ARHGAP21: variants seen among roughly 807,000 people sequenced by gnomAD.
ARHGAP21 encodes the protein rho GTPase-activating protein 21.
ARHGAP21 carries 38 observed loss-of-function variants against 164.6 expected under a neutral mutation model. That is an observed-to-expected ratio of 0.23 (90% CI 0.18 to 0.30). The LOEUF (loss-of-function observed/expected upper bound fraction) is 0.30, where lower values mean the gene tolerates loss of function less well. ARHGAP21 is among the 10% of genes least tolerant of loss of function. The probability of loss-of-function intolerance (pLI) is 1.00; values close to 1 mark genes in which losing one functional copy is unlikely to be tolerated. For synonymous variants in ARHGAP21, 766 were observed against 857.9 expected (o/e 0.89, Z 1.87); for missense variants, 1,822 against 2,370.7 (o/e 0.77, Z 4.81).
Position 24,621,015 on chromosome 10 carries a change from G to C in ARHGAP21, c.880C>G (p.Pro294Ala), listed in dbSNP as rs772325810. ...CTCACTTCTTCAGTTCTATGTGAAG[G>C]ACCTGTATGGTTGTTTCTATTGGAT... ...LLSNRNNHTGPSHRTEEVRYG... is the reference protein window; with the variant it reads ...LLSNRNNHTGASHRTEEVRYG... The change falls in exon 9 of 26, where the codon CCT becomes GCT. Residue 294 changes from proline to alanine, a missense_variant. Around this residue, in one of 5 missense-constraint regions of ARHGAP21, gnomAD observed 1,090 missense variants for 1,378.9 expected, o/e 0.79. Transcript: ENST00000396432. 1 of 1,614,014 alleles carries C rather than the reference G, an allele frequency of 6.2e-7. No homozygotes were observed. The highest frequency in any genetic ancestry group is 8.5e-7 in the Non-Finnish European group (1 of 1,179,872).
intron 2 of ARHGAP21, among the ~76,000 whole-genome samples, chr10:24,718,580 G>T (rs1415750672): frequency 6.6e-6 from 1 of 152,140 alleles, no homozygotes; most frequent in African/African-American, 2.4e-5. Flanking sequence ...GCCTGAGAAG[G>T]AACTAGGGAG....
intron 2 of ARHGAP21, among the ~76,000 whole-genome samples, chr10:24,719,354 A>G (rs1324335678): frequency 2.6e-5 from 4 of 152,210 alleles, no homozygotes; most frequent in Non-Finnish European, 5.9e-5. Flanking sequence ...GCCTAAATGT[A>G]TATCATATAT....
chr10:24,596,676 G>C, intron 17 of ARHGAP21, 64 bp downstream of exon 17: 6 of 1,606,320 alleles, frequency 3.7e-6, no homozygotes, highest in Non-Finnish European at 5.1e-6. Context: ...TATATACTCA[G>C]ATCCCATTAT....
intron 4 of ARHGAP21, among the ~76,000 whole-genome samples, chr10:24,646,257 G>A (rs565621076): frequency 4.6e-5 from 7 of 152,178 alleles, no homozygotes; most frequent in African/African-American, 1.7e-4. Context: ...ACTAGCTGGA[G>A]AGCAATCAGG....
chr10:24,594,597 TG>T (rs2076496615), intron 21 of ARHGAP21, among the ~76,000 whole-genome samples: 1 of 140,466 alleles, frequency 7.1e-6, no homozygotes, highest in African/African-American at 2.6e-5. Flanking sequence ...ATGACTTATC[TG>T]TTTATGTCTG....
At chr10:24,701,107 A>T (rs1843630807) in intron 2 of ARHGAP21, among the ~76,000 whole-genome samples, 1 of 152,164 alleles carries the variant, frequency 6.6e-6, no homozygotes, top group East Asian at 1.9e-4. Flanking sequence ...GAGAACTAGG[A>T]CACAATTTAA....
At chr10:24,714,824 G>A (rs1171459464) in intron 2 of ARHGAP21, among the ~76,000 whole-genome samples, 7 of 152,014 alleles carry the variant, frequency 4.6e-5, no homozygotes, top group African/African-American at 1.7e-4. Flanking sequence ...CACAAGGTCA[G>A]GAGATCGAGA....
intron 23 of ARHGAP21, 146 bp from the exon 24 acceptor site, chr10:24,591,476 A>G (rs1430610978): frequency 9.0e-7 from 1 of 1,112,426 alleles, no homozygotes; most frequent in East Asian, 2.4e-5. Context: ...TAACTGCAAA[A>G]TAAGCACCGT....
intron 22 of ARHGAP21, 89 bp downstream of exon 22, chr10:24,591,798 C>A (rs754949523): frequency 2.9e-5 from 46 of 1,596,408 alleles, no homozygotes; most frequent in Non-Finnish European, 2.6e-5. Flanking sequence ...TACAACCAAC[C>A]TCTGTCTGAC....
At chr10:24,649,252 A>G (rs1001604368) in intron 4 of ARHGAP21, among the ~76,000 whole-genome samples, 2 of 152,240 alleles carry the variant, frequency 1.3e-5, no homozygotes, top group African/African-American at 4.8e-5. Flanking sequence ...TAGTGTATAT[A>G]CATGTAAAAC....
At chr10:24,689,325 TA>T (rs1166957134) in intron 2 of ARHGAP21, among the ~76,000 whole-genome samples, 1 of 152,198 alleles carries the variant, frequency 6.6e-6, no homozygotes, top group East Asian at 1.9e-4. Flanking sequence ...TCACTTAGGA[TA>T]CACCAGAAAA....
intron 4 of ARHGAP21, among the ~76,000 whole-genome samples, chr10:24,665,007 C>CA (rs1219846058): frequency 1.3e-5 from 2 of 152,108 alleles, no homozygotes; most frequent in Non-Finnish European, 2.9e-5. Flanking sequence ...TATTCCCCCC[C>CA]ATAAGAAGCA....
At chr10:24,702,933 A>G (rs1843837123) in intron 2 of ARHGAP21, among the ~76,000 whole-genome samples, 1 of 152,212 alleles carries the variant, frequency 6.6e-6, no homozygotes, top group South Asian at 2.1e-4. Context: ...AGAGCAGAAC[A>G]CTGGAAGCAA....
At chr10:24,587,298 G>C (rs1001050336) in intron 25 of ARHGAP21, among the ~76,000 whole-genome samples, 1 of 152,004 alleles carries the variant, frequency 6.6e-6, no homozygotes, top group Non-Finnish European at 1.5e-5. Context: ...ATAGGTTCTT[G>C]ATTGCAACTA....
At chr10:24,593,298 G>A (rs2076418509) in intron 21 of ARHGAP21, among the ~76,000 whole-genome samples, 1 of 152,112 alleles carries the variant, frequency 6.6e-6, no homozygotes, top group Admixed American at 6.5e-5. Flanking sequence ...TTAAAACTGG[G>A]CACCCAGAAA....
intron 4 of ARHGAP21, among the ~76,000 whole-genome samples, chr10:24,659,561 C>T (rs527846171): frequency 2.0e-5 from 3 of 152,316 alleles, no homozygotes; most frequent in Admixed American, 6.5e-5. Flanking sequence ...GTGATCTGCC[C>T]ACCTCGGCCT....
chr10:24,683,009 T>C (rs1489791119), intron 2 of ARHGAP21, among the ~76,000 whole-genome samples: 1 of 147,654 alleles, frequency 6.8e-6, no homozygotes. Context: ...GACAGGAGAA[T>C]GGCGTGAACC....
At chr10:24,680,591 T>A (rs1283096812) in intron 2 of ARHGAP21, among the ~76,000 whole-genome samples, 1 of 152,172 alleles carries the variant, frequency 6.6e-6, no homozygotes, top group Admixed American at 6.5e-5. Context: ...ATAGCTCAGG[T>A]GTCTCAGTCA....
chr10:24,642,383 C>T (rs1053195888), intron 4 of ARHGAP21, among the ~76,000 whole-genome samples: 2 of 151,538 alleles, frequency 1.3e-5, no homozygotes, highest in Non-Finnish European at 2.9e-5. Flanking sequence ...GGCGTGGTAG[C>T]GGGCGCCTGT....
Sources: gnomAD v4.1 joint callset for allele counts (sites outside exome capture counted in the v4.1 genomes callset) on GRCh38, gnomAD v4.1.1 for gene constraint, gnomAD v4.1.1 regional missense constraint, MANE v1.5 for transcripts, NCBI Gene and HGNC (gene_info 2026-07-23, HGNC 2026-07-21) for gene names.